ZNRF1: variants seen among roughly 807,000 people sequenced by gnomAD.
The protein encoded by ZNRF1 is E3 ubiquitin-protein ligase ZNRF1.
Under a neutral mutation model 18.4 loss-of-function variants are expected in ZNRF1, and 3 were observed. The observed-to-expected ratio is 0.16, with a 90% confidence interval of 0.07 to 0.42. The LOEUF is 0.42. Among genes scored for constraint, ZNRF1 ranks in the 10% least tolerant of loss-of-function variants. ZNRF1 has a pLI of 0.99. For missense variants in ZNRF1, 310 were observed against 329.8 expected, an observed-to-expected ratio of 0.94 and a Z score of 0.47; for synonymous variants, 157 against 144.2, an observed-to-expected ratio of 1.09 and a Z score of -0.64.
intron 1 of ZNRF1, among the ~76,000 whole-genome samples, chr16:75,057,755 C>T (rs1189510809): frequency 6.6e-6 from 1 of 152,220 alleles, no homozygotes; most frequent in African/African-American, 2.4e-5. Context: ...CTTGCCTCAG[C>T]CTCCTGAGTA....
chr16:75,065,459 A>T (rs933929342), intron 1 of ZNRF1, among the ~76,000 whole-genome samples: 10 of 152,356 alleles, frequency 6.6e-5, no homozygotes, highest in African/African-American at 2.2e-4. Flanking sequence ...TGTGACGTTT[A>T]GCTGAGATCC....
intron 1 of ZNRF1, among the ~76,000 whole-genome samples, chr16:75,029,078 C>CT (rs35493485): frequency 0.08 from 11,542 of 143,988 alleles, 515 homozygotes; most frequent in East Asian, 0.17. Flanking sequence ...CAATCTTGAC[C>CT]TTTTTTTTTT....
At chr16:75,000,373 C>G in intron 1 of ZNRF1, 1 of 626,192 alleles carries the variant, frequency 1.6e-6, no homozygotes, top group South Asian at 1.5e-5. Context: ...TTGGCATCAC[C>G]CTCCTCAGAG....
intron 1 of ZNRF1, among the ~76,000 whole-genome samples, chr16:75,001,312 G>C (rs1235686007): frequency 6.6e-6 from 1 of 152,138 alleles, no homozygotes; most frequent in Non-Finnish European, 1.5e-5. Context: ...TTTTCATTTG[G>C]TTTGGTTTTT....
intron 1 of ZNRF1, among the ~76,000 whole-genome samples, chr16:75,040,598 GTTTTTTTTTTT>G (rs61513153): frequency 8.2e-4 from 38 of 46,374 alleles, no homozygotes; most frequent in African/African-American, 2.9e-3. Flanking sequence ...TTTTTTGTGG[GTTTTTTTTTTT>G]TTTTTTTTTT....
chr16:75,023,876 C>CTTT (rs565608727), intron 1 of ZNRF1, among the ~76,000 whole-genome samples: 2 of 142,530 alleles, frequency 1.4e-5, no homozygotes, highest in African/African-American at 5.1e-5. Flanking sequence ...ATTTTATTTT[C>CTTT]TTTTTTTTTT....
At chr16:75,036,887 A>G (rs1485335749) in intron 1 of ZNRF1, among the ~76,000 whole-genome samples, 1 of 152,160 alleles carries the variant, frequency 6.6e-6, no homozygotes, top group East Asian at 1.9e-4. Flanking sequence ...TATATTCGAG[A>G]AGATGCTTGG....
intron 1 of ZNRF1, among the ~76,000 whole-genome samples, chr16:75,001,648 C>T (rs922113077): frequency 1.3e-5 from 2 of 152,172 alleles, no homozygotes; most frequent in Non-Finnish European, 2.9e-5. Flanking sequence ...CTGTAATGAG[C>T]ATCTGGTTTT....
intron 1 of ZNRF1, among the ~76,000 whole-genome samples, chr16:75,043,337 G>A (rs2035473156): frequency 6.6e-6 from 1 of 152,156 alleles, no homozygotes; most frequent in Admixed American, 6.5e-5. Flanking sequence ...AGAAGCTTGT[G>A]AGAGGAAACT....
At position 75,075,764 on chromosome 16, in the gene ZNRF1, T is replaced by A. The variant is rs951304106; in HGVS notation, c.425-17808T>A. Among the ~76,000 whole-genome samples the A allele has an allele frequency of 2.0e-5, 3 of 152,194 alleles. No individual in the cohort carries two copies. The East Asian group carries it at 5.8e-4, about 29-fold the overall frequency. On this transcript the variant is annotated intron_variant, in intron 1 of 4. Transcript: ENST00000335325. ...AGGTGGAGGAGGAGGGTCACCTTTC[T>A]CACATGGCTGCTGAGTGCTCAGGAA... is the stretch of plus-strand genomic sequence containing the variant.
At chr16:75,000,553 A>G (rs926403714) in intron 1 of ZNRF1, among the ~76,000 whole-genome samples, 1 of 152,228 alleles carries the variant, frequency 6.6e-6, no homozygotes, top group African/African-American at 2.4e-5. Flanking sequence ...TGATGCCTGG[A>G]TTAGGGCTCT....
chr16:75,079,754 T>C (rs917424220), intron 1 of ZNRF1, among the ~76,000 whole-genome samples: 2 of 152,196 alleles, frequency 1.3e-5, no homozygotes, highest in Admixed American at 1.3e-4. Flanking sequence ...GACTGTGCCC[T>C]CTGGGTTCCA....
At chr16:75,064,019 C>T (rs756688037) in intron 1 of ZNRF1, among the ~76,000 whole-genome samples, 12 of 152,216 alleles carry the variant, frequency 7.9e-5, no homozygotes, top group Admixed American at 3.3e-4. Flanking sequence ...GGGTTTTGGC[C>T]GGGTGCAGTG....
chr16:75,036,705 A>G (rs1350347100), intron 1 of ZNRF1, among the ~76,000 whole-genome samples: 1 of 151,940 alleles, frequency 6.6e-6, no homozygotes, highest in African/African-American at 2.4e-5. Flanking sequence ...CAAACTTTAA[A>G]TGTTTAAAAG....
chr16:75,000,115 A>T lies in ZNRF1; in HGVS notation c.424+20A>T, dbSNP rs768798191. 8 of 1,589,404 alleles carry T rather than the reference A, an allele frequency of 5.0e-6. No homozygotes were observed. Among genetic ancestry groups the T allele is most frequent in the Non-Finnish European group, 6.8e-6 (8 of 1,169,530 alleles). On this transcript the variant is annotated intron_variant, in intron 1 of 4. Coordinates refer to ENST00000335325, the MANE Select transcript of ZNRF1 (RefSeq NM_032268.5). The stretch of plus-strand genomic sequence containing the variant: ...ATAGTGGTGAGTCCGCGGGTGGTGG[A>T]GGCCTCGGAGGGAGGGCGCGCCGGG...
At chr16:75,077,350 T>C (rs938466493) in intron 1 of ZNRF1, among the ~76,000 whole-genome samples, 2 of 152,146 alleles carry the variant, frequency 1.3e-5, no homozygotes, top group African/African-American at 2.4e-5. Flanking sequence ...CTGACCAACA[T>C]GTACAAACCC....
At chr16:75,032,735 A>G (rs1312524430) in intron 1 of ZNRF1, among the ~76,000 whole-genome samples, 1 of 152,206 alleles carries the variant, frequency 6.6e-6, no homozygotes, top group Non-Finnish European at 1.5e-5. Flanking sequence ...TAAAAAATTT[A>G]CAAAGGACCA....
intron 1 of ZNRF1, among the ~76,000 whole-genome samples, chr16:75,028,109 C>G (rs2035250871): frequency 1.3e-5 from 2 of 152,168 alleles, no homozygotes; most frequent in Admixed American, 6.5e-5. Flanking sequence ...TTCCCACTTC[C>G]TGAGTCCATC....
At chr16:75,094,173 A>G (rs978511498) in intron 2 of ZNRF1, among the ~76,000 whole-genome samples, 1 of 152,162 alleles carries the variant, frequency 6.6e-6, no homozygotes, top group African/African-American at 2.4e-5. Flanking sequence ...ATTTAGTCCT[A>G]TGAGTCCACA....
Sources: allele counts gnomAD v4.1 joint callset (sites outside exome capture counted in the v4.1 genomes callset), GRCh38; gene constraint gnomAD v4.1.1; transcripts MANE v1.5; gene names NCBI Gene and HGNC (gene_info 2026-07-23, HGNC 2026-07-21).